SLC35F5: variants seen among roughly 807,000 people sequenced by gnomAD.
SLC35F5 encodes solute carrier family 35 member F5.
SLC35F5 carries 54 observed loss-of-function variants against 68.6 expected under a neutral mutation model. The ratio of observed to expected loss-of-function variants is 0.79; its 90% CI spans 0.63 to 0.99. The LOEUF is 0.99. Among genes scored for constraint, SLC35F5 ranks in the 50% least tolerant of loss-of-function variants. SLC35F5 has a pLI of 0.00. For missense variants in SLC35F5, 567 were observed against 626.9 expected (o/e 0.90, Z 1.02); for synonymous variants, 211 against 205.2 (o/e 1.03, Z -0.24).
At position 113,710,317 on chromosome 2, in the gene SLC35F5, T is replaced by C. The variant is rs544330922; in HGVS notation, c.*4901A>G. Among the ~76,000 whole-genome samples the C allele has an allele frequency of 6.6e-6, 1 of 152,376 alleles. No homozygotes were observed. The highest frequency in any genetic ancestry group is 1.5e-5 in the Non-Finnish European group (1 of 68,034). On this transcript the variant is annotated 3_prime_UTR_variant, in exon 16 of 16. Coordinates refer to ENST00000245680, the MANE Select transcript of SLC35F5 (RefSeq NM_025181.5). ...TATTTTAGAATAATTAAGACAAGGA[T>C]AGGCTTCAATGAAATTTTGCTTTGA... is the stretch of plus-strand genomic sequence containing the variant.
In SLC35F5 at chr2:113,712,597, G is replaced by A. The variant is rs920386930; in HGVS notation, c.*2621C>T. Among the ~76,000 whole-genome samples, 5 of 151,994 alleles carry A rather than the reference G, an allele frequency of 3.3e-5. No homozygotes were observed. The highest frequency in any genetic ancestry group is 5.9e-5 in the Non-Finnish European group (4 of 67,998). ...CCCAAAGTGCTGGGACTACAGGCGT[G>A]AGCCACCACGCCCGGCCCAAAAGCA... On this transcript the variant is annotated 3_prime_UTR_variant, in exon 16 of 16. Coordinates refer to ENST00000245680, the MANE Select transcript of SLC35F5 (RefSeq NM_025181.5).
At chr2:113,706,380 C>T (rs912210813), downstream of SLC35F5, among the ~76,000 whole-genome samples, 1 of 152,108 alleles carries the variant, frequency 6.6e-6, no homozygotes, top group Non-Finnish European at 1.5e-5. Flanking sequence ...CTCTGGGTGA[C>T]CCTGGCCTTG....
intron 7 of SLC35F5, among the ~76,000 whole-genome samples, chr2:113,739,003 T>G (rs1688191941): frequency 6.6e-6 from 1 of 152,228 alleles, no homozygotes; most frequent in Non-Finnish European, 1.5e-5. Flanking sequence ...ATGTATCTAC[T>G]AGATAATTTA....
Position 113,729,440 on chromosome 2 carries a change from C to G in SLC35F5, c.1051G>C (p.Val351Leu), listed in dbSNP as rs543787347. The G allele has an allele frequency of 4.4e-6, 7 of 1,591,412 alleles. No individual in the cohort carries two copies. The highest frequency in any genetic ancestry group is 2.7e-5 in the African/African-American group (2 of 73,712). ...AVYIVMIKRK[V>L]DREDKLDIPM... ...ATATCCAACTTGTCTTCTCTATCTA[C>G]TTTTCTCTTAATCATAACAATATAG... Residue 351 changes from valine (V) to leucine (L), a missense_variant, in exon 11 of 16, where the codon GTA becomes CTA. By Grantham distance (32) the Val-to-Leu change is conservative. Coordinates refer to ENST00000245680, the MANE Select transcript of SLC35F5 (RefSeq NM_025181.5).
intron 7 of SLC35F5, among the ~76,000 whole-genome samples, chr2:113,738,015 T>C (rs1238441412): frequency 2.0e-5 from 3 of 152,228 alleles, no homozygotes; most frequent in Non-Finnish European, 4.4e-5. Context: ...TATAACATGA[T>C]TTAATATACA....
At position 113,717,803 on chromosome 2, in the gene SLC35F5, CTG is replaced by C. The variant is rs1407311397; in HGVS notation, c.1542_1543del (p.His514GlnfsTer9). The C allele has an allele frequency of 2.5e-6, 4 of 1,613,410 alleles. No homozygotes were observed. Among genetic ancestry groups the C allele is most frequent in the Non-Finnish European group, 2.5e-6 (3 of 1,179,754 alleles). On this transcript the variant is annotated frameshift_variant, in exon 15 of 16. Coordinates refer to ENST00000245680, the MANE Select transcript of SLC35F5 (RefSeq NM_025181.5). LOFTEE classifies it high-confidence loss of function. Reference sequence around the variant, plus strand: ...ACTAGCTCCATCCTCCTGAGAAACACTGTGCATAGAAATGAGACTCTCACACT... The same window carrying C: ...ACTAGCTCCATCCTCCTGAGAAACACTGCATAGAAATGAGACTCTCACACT...
downstream of SLC35F5, among the ~76,000 whole-genome samples, chr2:113,703,212 A>ATC (rs1686730490): frequency 6.6e-6 from 1 of 151,756 alleles, no homozygotes; most frequent in East Asian, 1.9e-4. Flanking sequence ...CTTGACCTTC[A>ATC]TCTCTCTCCC....
In SLC35F5 at chr2:113,739,222, T is replaced by C. The variant is rs1688198452; in HGVS notation, c.751-3364A>G. Among the ~76,000 whole-genome samples the C allele has an allele frequency of 2.0e-5, 3 of 152,200 alleles. No individual in the cohort carries two copies. In the South Asian group the frequency reaches 6.2e-4, roughly 31 times the overall value. On this transcript the variant is annotated intron_variant, in intron 7 of 15. Coordinates refer to ENST00000245680, the MANE Select transcript of SLC35F5 (RefSeq NM_025181.5). ...CTCAAGTCCCTTATATAAAATGGCA[T>C]AGCATTTGGATACAACCTACACACA...
intron 13 of SLC35F5, chr2:113,719,613 G>T (rs12711784): frequency 0.48 from 87,229 of 181,040 alleles, 22,031 homozygotes; most frequent in Middle Eastern, 0.67. Flanking sequence ...ATATACAGTA[G>T]GAAACTTTGC....
chr2:113,719,153 C>T lies in SLC35F5; in HGVS notation c.1496+1G>A, dbSNP rs1030120745. On this transcript the variant is annotated splice_donor_variant, in intron 14 of 15. Transcript: ENST00000245680. LOFTEE classifies it high-confidence loss of function. ...AAAATGTGTATTGGGACTAAACTTA[C>T]CTCTGAATTCGATGTTTTCTGCATA... 2 of 1,603,860 alleles carry T rather than the reference C, an allele frequency of 1.2e-6. No homozygotes were observed. The highest frequency in any genetic ancestry group is 1.3e-5 in the African/African-American group (1 of 74,212).
chr2:113,752,860 T>G (rs1412832375), intron 3 of SLC35F5, among the ~76,000 whole-genome samples: 1 of 152,198 alleles, frequency 6.6e-6, no homozygotes, highest in Non-Finnish European at 1.5e-5. Flanking sequence ...TTGTGTTAAC[T>G]ATGTTAATGG....
intron 3 of SLC35F5, among the ~76,000 whole-genome samples, chr2:113,752,811 T>C (rs563325414): frequency 6.6e-6 from 1 of 152,236 alleles, no homozygotes; most frequent in South Asian, 2.1e-4. Flanking sequence ...AAACTGAACA[T>C]AGACTGGATA....
chr2:113,702,695 G>A (rs1199837818), downstream of SLC35F5, among the ~76,000 whole-genome samples: 1 of 152,140 alleles, frequency 6.6e-6, no homozygotes, highest in African/African-American at 2.4e-5. Flanking sequence ...GAGAACTGCT[G>A]TTTAATATGT....
At chr2:113,754,068 G>T (rs1676865694) in intron 3 of SLC35F5, among the ~76,000 whole-genome samples, 1 of 152,038 alleles carries the variant, frequency 6.6e-6, no homozygotes, top group African/African-American at 2.4e-5. Context: ...GAGGCGGGCG[G>T]ATCATGAGGT....
chr2:113,729,973 C>A (rs1687818528), intron 10 of SLC35F5, among the ~76,000 whole-genome samples: 1 of 152,156 alleles, frequency 6.6e-6, no homozygotes, highest in Non-Finnish European at 1.5e-5. Context: ...CTACCACTCC[C>A]ATCTTAAAGG....
At chr2:113,703,068 C>T (rs1388064435), downstream of SLC35F5, among the ~76,000 whole-genome samples, 1 of 152,048 alleles carries the variant, frequency 6.6e-6, no homozygotes, top group African/African-American at 2.4e-5. Context: ...CAAGATCATG[C>T]CACTGTACTC....
chr2:113,705,628 G>T (rs1400492706), downstream of SLC35F5: 2 of 152,212 alleles, frequency 1.3e-5, no homozygotes, highest in East Asian at 3.9e-4. Flanking sequence ...AAATGACTAA[G>T]TGACTTTTCA....
intron 7 of SLC35F5, among the ~76,000 whole-genome samples, chr2:113,741,567 G>T (rs1174062130): frequency 1.3e-5 from 2 of 152,030 alleles, no homozygotes; most frequent in Non-Finnish European, 2.9e-5. Context: ...TGGGTGTGGT[G>T]GCGCATGCCT....
chr2:113,733,380 T>C (rs548342488), intron 9 of SLC35F5: 1 of 368,292 alleles, frequency 2.7e-6, no homozygotes, highest in East Asian at 1.1e-4. Flanking sequence ...CAATATTTTA[T>C]ATCCATTTCC....
Sources: gnomAD v4.1 joint callset for allele counts (sites outside exome capture counted in the v4.1 genomes callset) on GRCh38, gnomAD v4.1.1 for gene constraint, MANE v1.5 for transcripts, NCBI Gene and HGNC (gene_info 2026-07-23, HGNC 2026-07-21) for gene names.